FBXL13: variants seen among roughly 807,000 people sequenced by gnomAD.
FBXL13 encodes F-box and leucine rich repeat protein 13.
In FBXL13, 67 loss-of-function variants were observed where a neutral mutation model predicts 83.6. The ratio of observed to expected loss-of-function variants is 0.80; its 90% CI spans 0.66 to 0.98. The LOEUF (loss-of-function observed/expected upper bound fraction) is 0.98. FBXL13 is among the 50% of genes least tolerant of loss of function. The probability of loss-of-function intolerance (pLI) is 0.00; values close to 1 mark genes in which losing one functional copy is unlikely to be tolerated. For missense variants in FBXL13, 822 were observed against 866.5 expected (o/e 0.95, Z 0.64); for synonymous variants, 272 against 299.5 (o/e 0.91, Z 0.95).
intron 11 of FBXL13, among the ~76,000 whole-genome samples, chr7:102,898,757 G>A (rs1286184362): frequency 6.6e-6 from 1 of 152,168 alleles, no homozygotes; most frequent in Non-Finnish European, 1.5e-5. Context: ...CATGTTGAAA[G>A]CAACAAATTC....
At chr7:102,817,890 G>T (rs1798223731) in intron 19 of FBXL13, among the ~76,000 whole-genome samples, 1 of 152,146 alleles carries the variant, frequency 6.6e-6, no homozygotes, top group African/African-American at 2.4e-5. Flanking sequence ...TGCTGCAATG[G>T]TTACTCATTT....
In FBXL13 at chr7:103,011,177, A is replaced by G. The variant is rs184875906; in HGVS notation, c.495+13886T>C. Among the ~76,000 whole-genome samples the G allele has an allele frequency of 7.2e-4, 110 of 152,358 alleles. No homozygotes were observed. In the East Asian group the frequency reaches 0.021, roughly 29 times the overall value. On this transcript the variant is annotated intron_variant, in intron 6 of 19. Coordinates refer to ENST00000313221, the Ensembl canonical transcript of FBXL13. Reference sequence around the variant, plus strand: ...AAACAATTGCCCTAGTTCCCTAGCAATGATTCTTAACCAGGCTGAAATGGA... The same window carrying G: ...AAACAATTGCCCTAGTTCCCTAGCAGTGATTCTTAACCAGGCTGAAATGGA...
intron 1 of FBXL13, among the ~76,000 whole-genome samples, chr7:103,061,720 C>A (rs1196518013): frequency 6.6e-6 from 1 of 151,984 alleles, no homozygotes; most frequent in Non-Finnish European, 1.5e-5. Context: ...AGGCAGATCA[C>A]GAAGTCAGGA....
chr7:102,933,693 TAA>T, intron 8 of FBXL13: 1 of 374,058 alleles, frequency 2.7e-6, no homozygotes, highest in Non-Finnish European at 4.7e-6. Context: ...GCCTTTGCCT[TAA>T]AAAGTCTGTT....
intron 2 of FBXL13, among the ~76,000 whole-genome samples, chr7:103,036,576 G>A (rs914451353): frequency 6.6e-6 from 1 of 151,960 alleles, no homozygotes; most frequent in Non-Finnish European, 1.5e-5. Flanking sequence ...ACTGGAGCAC[G>A]ATCTTGGCTC....
At chr7:102,844,403 C>G (rs1225541036) in intron 17 of FBXL13, among the ~76,000 whole-genome samples, 1 of 152,138 alleles carries the variant, frequency 6.6e-6, no homozygotes, top group African/African-American at 2.4e-5. Context: ...ATACATCCTT[C>G]AAATTACTTG....
At position 102,929,759 on chromosome 7, in the gene FBXL13, G is replaced by A. The variant is rs1308425888; in HGVS notation, c.777+2122C>T. ...GCCGGGGGTTGAGAGAAAATGAAGG[G>A]TGACTGTTGATGGGCATGGGTTCTG... On this transcript the variant is annotated intron_variant, in intron 9 of 19. Transcript: ENST00000313221. 2.6e-5 allele frequency among the ~76,000 whole-genome samples: 4 copies of A among 152,074 alleles called. No individual in the cohort carries two copies. The East Asian group carries it at 7.7e-4, about 29-fold the overall frequency.
At chr7:102,935,970 A>C (rs919296918) in intron 8 of FBXL13, among the ~76,000 whole-genome samples, 1 of 152,174 alleles carries the variant, frequency 6.6e-6, no homozygotes, top group Non-Finnish European at 1.5e-5. Context: ...GGCATCCTGA[A>C]CCAGAAGTAA....
chr7:102,831,394 G>GACACAC (rs3045618), intron 18 of FBXL13, among the ~76,000 whole-genome samples: 4,423 of 141,592 alleles, frequency 0.031, 114 homozygotes, highest in African/African-American at 0.072. Context: ...CAGTGCCCGG[G>GACACAC]ACACACACAC....
intron 1 of FBXL13, among the ~76,000 whole-genome samples, chr7:103,057,639 C>T (rs1797462118): frequency 6.6e-6 from 1 of 152,172 alleles, no homozygotes; most frequent in Admixed American, 6.5e-5. Context: ...AATGGACTTG[C>T]TGGATCTAAG....
At chr7:102,945,205 T>G (rs1822262631) in intron 8 of FBXL13, among the ~76,000 whole-genome samples, 1 of 152,094 alleles carries the variant, frequency 6.6e-6, no homozygotes, top group African/African-American at 2.4e-5. Flanking sequence ...TCACAAACAA[T>G]AAGAAGAGAA....
intron 8 of FBXL13, chr7:102,933,011 A>G (rs146323386): frequency 6.6e-6 from 1 of 152,350 alleles, no homozygotes; most frequent in African/African-American, 2.4e-5. Context: ...TAGCGGGGAG[A>G]CACTAACAGT....
chr7:103,055,097 A>T lies in FBXL13; in HGVS notation c.-1+547T>A, dbSNP rs1027136327. The T allele has an allele frequency of 3.1e-6, 4 of 1,285,350 alleles. No homozygotes were observed. In the African/African-American group the frequency reaches 6.1e-5, roughly 20 times the overall value. The allele number at this position is 1,285,350 out of a possible 1,614,324, so 79.6% of individuals were successfully genotyped here. A position where few individuals can be genotyped will look rare whatever the true frequency, so the allele number is the denominator to read the frequency against. ...GATTACTAATAATTACCAGCTGATC[A>T]TCCAATTCAAAAAGTTGTTCCAGGT... On this transcript the variant is annotated intron_variant, in intron 2 of 19. Transcript: ENST00000313221.
At chr7:102,846,592 G>C (rs1804007571) in intron 17 of FBXL13, among the ~76,000 whole-genome samples, 1 of 149,236 alleles carries the variant, frequency 6.7e-6, no homozygotes, top group Admixed American at 6.7e-5. Context: ...TACAAGCCTG[G>C]GCAACAGAGC....
At chr7:102,969,403 A>G (rs890706133) in intron 6 of FBXL13, among the ~76,000 whole-genome samples, 1 of 152,120 alleles carries the variant, frequency 6.6e-6, no homozygotes, top group African/African-American at 2.4e-5. Context: ...TGTTCACACA[A>G]TGACAAAAAT....
chr7:102,980,559 C>T (rs531160818), intron 6 of FBXL13, among the ~76,000 whole-genome samples: 18 of 152,174 alleles, frequency 1.2e-4, no homozygotes, highest in Non-Finnish European at 2.5e-4. Context: ...AGGCGAATCA[C>T]GAGGTCAGGA....
intron 8 of FBXL13, among the ~76,000 whole-genome samples, chr7:102,948,911 C>G (rs2129476805): frequency 6.6e-6 from 1 of 152,254 alleles, no homozygotes; most frequent in South Asian, 2.1e-4. Flanking sequence ...AAGGTTTCGC[C>G]ATGTTGGCCA....
At chr7:102,854,613 G>A (rs1189586565) in intron 17 of FBXL13, 164 bp downstream of exon 18, 3 of 469,528 alleles carry the variant, frequency 6.4e-6, no homozygotes, top group Non-Finnish European at 1.1e-5. Context: ...ATTTGTACTT[G>A]TAAATTTTTA....
At chr7:102,995,554 G>A (rs1038839308) in intron 6 of FBXL13, among the ~76,000 whole-genome samples, 33 of 150,772 alleles carry the variant, frequency 2.2e-4, no homozygotes, top group African/African-American at 5.4e-4. Context: ...TTTGGGAGGC[G>A]GAGGCAGACG....
Sources: gnomAD v4.1 joint callset for allele counts (sites outside exome capture counted in the v4.1 genomes callset) on GRCh38, gnomAD v4.1.1 for gene constraint, MANE v1.5 for transcripts, NCBI Gene and HGNC (gene_info 2026-07-23, HGNC 2026-07-21) for gene names.